ARRDC5: variants seen among roughly 807,000 people sequenced by gnomAD.
The protein encoded by ARRDC5 is arrestin domain containing 5.
ARRDC5 carries 12 observed loss-of-function variants against 13.3 expected under a neutral mutation model. That is an observed-to-expected ratio of 0.90 (90% confidence interval 0.58 to 1.46). The LOEUF (loss-of-function observed/expected upper bound fraction) is 1.46. ARRDC5 is among the 40% of genes most tolerant of loss of function. The probability of loss-of-function intolerance (pLI) is 0.00; values close to 1 mark genes in which losing one functional copy is unlikely to be tolerated. For missense variants in ARRDC5, 406 were observed against 418.7 expected, an observed-to-expected ratio of 0.97 and a Z score of 0.26; for synonymous variants, 181 against 173.4, an observed-to-expected ratio of 1.04 and a Z score of -0.34.
At chr19:4,906,332 G>C (rs190298666), upstream of ARRDC5, among the ~76,000 whole-genome samples, 19 of 152,190 alleles carry the variant, frequency 1.2e-4, 1 homozygote, top group East Asian at 3.7e-3. Flanking sequence ...AGATGACTAG[G>C]GAACTGGAGC....
At chr19:4,899,764 C>CTAA (rs1424989852) in intron 1 of ARRDC5, among the ~76,000 whole-genome samples, 10 of 67,894 alleles carry the variant, frequency 1.5e-4, no homozygotes, top group South Asian at 6.0e-4. Flanking sequence ...CCCGTCTCTA[C>CTAA]AAAAAAAAAA....
chr19:4,902,589 CTT>C lies in ARRDC5; in HGVS notation c.235_236del (p.Lys79AspfsTer7). The C allele has an allele frequency of 1.9e-6, 3 of 1,613,952 alleles. No individual in the cohort carries two copies. Among genetic ancestry groups the C allele is most frequent in the Non-Finnish European group, 2.5e-6 (3 of 1,179,888 alleles). ...CGTCCTTACCCTCCACTGGGAATGT[CTT>C]TGTCTTATGCACGTAGTCTGCCTTG... ...NNKADYVHKT[K>X]TFPVEDNWLS... On this transcript the variant is annotated frameshift_variant, in exon 1 of 3. Coordinates refer to ENST00000650722, the MANE Select transcript of ARRDC5 (RefSeq NM_001080523.3). LOFTEE classifies it high-confidence loss of function.
chr19:4,902,983 G>A, upstream of ARRDC5: 3 of 938,992 alleles, frequency 3.2e-6, no homozygotes, highest in Non-Finnish European at 4.8e-6. Flanking sequence ...CAAAACTGTT[G>A]TTTAGGGTGG....
At chr19:4,912,440 GC>G in the ARRDC5 span, among the ~76,000 whole-genome samples, 4 of 152,162 alleles carry the variant, frequency 2.6e-5, no homozygotes, top group Non-Finnish European at 5.9e-5. Flanking sequence ...GGACTCTCAT[GC>G]TCCCAAGTTC....
chr19:4,892,559 A>T, intron 2 of ARRDC5, among the ~76,000 whole-genome samples: 1 of 141,156 alleles, frequency 7.1e-6, no homozygotes, highest in East Asian at 2.1e-4. Context: ...AGGTCTCACT[A>T]TGTTGTCCAG....
intron 1 of ARRDC5, among the ~76,000 whole-genome samples, chr19:4,901,261 G>C (rs911935032): frequency 6.6e-6 from 1 of 152,174 alleles, no homozygotes; most frequent in Non-Finnish European, 1.5e-5. Flanking sequence ...TGGGGCTGCA[G>C]TGAGTTTTGA....
At chr19:4,913,173 T>A in the ARRDC5 span, among the ~76,000 whole-genome samples, 1 of 151,612 alleles carries the variant, frequency 6.6e-6, no homozygotes, top group African/African-American at 2.4e-5. Flanking sequence ...ACTTGAGTCA[T>A]ACAATAGTGT....
chr19:4,905,099 G>A (rs891899026), upstream of ARRDC5, among the ~76,000 whole-genome samples: 4 of 145,430 alleles, frequency 2.8e-5, no homozygotes, highest in African/African-American at 5.1e-5. Flanking sequence ...ACACAAATTC[G>A]TAAACTTTCT....
At chr19:4,908,506 C>T in the ARRDC5 span, among the ~76,000 whole-genome samples, 2 of 152,110 alleles carry the variant, frequency 1.3e-5, no homozygotes, top group Non-Finnish European at 2.9e-5. Flanking sequence ...ACACCAGCCC[C>T]TTCCTGCTCC....
Position 4,895,651 on chromosome 19 carries a change from C to T in ARRDC5, c.459+1020G>A, listed in dbSNP as rs184536810. Among the ~76,000 whole-genome samples, 27 of 152,226 alleles carry T rather than the reference C, an allele frequency of 1.8e-4. No individual in the cohort carries two copies. In the East Asian group the frequency reaches 4.4e-3, roughly 25 times the overall value. The stretch of plus-strand genomic sequence containing the variant: ...TCAGCCAAGCGGAGGCTGCACTGCC[C>T]GTCCTTCTCCTGGACTGAGGCCACC... On this transcript the variant is annotated intron_variant, in intron 2 of 2. Transcript: ENST00000650722.
chr19:4,915,005 G>A, the ARRDC5 span, among the ~76,000 whole-genome samples: 3 of 152,182 alleles, frequency 2.0e-5, no homozygotes, highest in Non-Finnish European at 2.9e-5. Flanking sequence ...TGCAGGGTGC[G>A]GAGCAGCGTC....
intron 2 of ARRDC5, among the ~76,000 whole-genome samples, chr19:4,893,764 C>T (rs35686206): frequency 0.2 from 28,817 of 145,094 alleles, 3,284 homozygotes; most frequent in Admixed American, 0.27. Flanking sequence ...AAAGGAAGGC[C>T]GGGTGCGGTG....
chr19:4,894,196 G>A (rs1424003091), intron 2 of ARRDC5, among the ~76,000 whole-genome samples: 4 of 151,020 alleles, frequency 2.6e-5, no homozygotes, highest in Non-Finnish European at 5.9e-5. Flanking sequence ...CTAACACGGT[G>A]AAACCCCGTC....
chr19:4,912,591 A>G, the ARRDC5 span, among the ~76,000 whole-genome samples: 5 of 152,140 alleles, frequency 3.3e-5, no homozygotes, highest in Non-Finnish European at 7.3e-5. Context: ...ATTCTGACTT[A>G]TTAGGTTTAT....
chr19:4,906,723 A>G (rs137892125), upstream of ARRDC5, among the ~76,000 whole-genome samples: 2 of 152,344 alleles, frequency 1.3e-5, no homozygotes, highest in East Asian at 3.9e-4. Flanking sequence ...ACTGCACTGC[A>G]GGCTGGGCAC....
the ARRDC5 span, among the ~76,000 whole-genome samples, chr19:4,912,872 G>C: frequency 5.3e-5 from 8 of 152,130 alleles, no homozygotes; most frequent in East Asian, 1.9e-4. Flanking sequence ...CAATCCTCCA[G>C]CCTCAGCCTC....
At chr19:4,902,944 G>C, upstream of ARRDC5, 1 of 1,516,968 alleles carries the variant, frequency 6.6e-7, no homozygotes, top group Non-Finnish European at 9.0e-7. Context: ...GTTCCGGGAA[G>C]TGGGGACCCC....
intron 1 of ARRDC5, among the ~76,000 whole-genome samples, chr19:4,898,625 G>A (rs1437815181): frequency 2.7e-5 from 4 of 150,024 alleles, no homozygotes; most frequent in Non-Finnish European, 5.9e-5. Context: ...GCCTCCCAAA[G>A]GGCTGGGATT....
chr19:4,915,286 C>T, the ARRDC5 span, among the ~76,000 whole-genome samples: 8 of 152,228 alleles, frequency 5.3e-5, no homozygotes, highest in Admixed American at 3.3e-4. Flanking sequence ...CGGCATCCCT[C>T]CCCCAGGATG....
Sources: gnomAD v4.1 joint callset for allele counts (sites outside exome capture counted in the v4.1 genomes callset) on GRCh38, gnomAD v4.1.1 for gene constraint, MANE v1.5 for transcripts, NCBI Gene and HGNC (gene_info 2026-07-23, HGNC 2026-07-21) for gene names.